The following LTV1 variants were observed in gnomAD, a reference collection of about 807,000 sequenced individuals.
LTV1 encodes protein LTV1 homolog.
Under a neutral mutation model 59.9 loss-of-function variants are expected in LTV1, and 39 were observed. That is an observed-to-expected ratio of 0.65 (90% CI 0.50 to 0.85). The LOEUF is 0.85. Ranked by LOEUF, LTV1 falls within the 40% of genes least tolerant of loss-of-function variation. The probability of loss-of-function intolerance (pLI) is 0.00; values close to 1 mark genes in which losing one functional copy is unlikely to be tolerated. For synonymous variants in LTV1, 171 were observed against 189.5 expected (o/e 0.90, Z 0.80); for missense variants, 493 against 549.1 (o/e 0.90, Z 1.02).
At chr6:143,859,387 T>C (rs1260824077) in intron 6 of LTV1, among the ~76,000 whole-genome samples, 35 of 152,204 alleles carry the variant, frequency 2.3e-4, no homozygotes, top group Admixed American at 2.2e-3. Flanking sequence ...ATGTTATATA[T>C]AGATTTGTCT....
chr6:143,858,053 A>T (rs776034950), intron 6 of LTV1, 46 bp downstream of exon 6: 128 of 1,320,392 alleles, frequency 9.7e-5, no homozygotes, highest in Admixed American at 4.8e-4. Flanking sequence ...CTTATGTTAA[A>T]TTTTTTTTTT....
rs921903383 is a variant in LTV1 at position 143,862,414 on chromosome 6, G to T, written c.1063+171G>T. On this transcript the variant is annotated intron_variant, in intron 8 of 10. Transcript: ENST00000367576. The surrounding 1 kb of genome is among the most constrained non-coding windows in gnomAD (Gnocchi z 4.2). Reference sequence around the variant, plus strand: ...AGCCTGGCCAACATGGTGAAACCCCGTGTCTACTAAAAAATACAAAAATTA... The same window carrying T: ...AGCCTGGCCAACATGGTGAAACCCCTTGTCTACTAAAAAATACAAAAATTA... Among the ~76,000 whole-genome samples, 4 of 151,988 alleles carry T rather than the reference G, an allele frequency of 2.6e-5. No homozygotes were observed. Among genetic ancestry groups the T allele is most frequent in the Admixed American group, 2.6e-4 (4 of 15,248 alleles).
chr6:143,856,483 G>A (rs1378323509), intron 4 of LTV1, among the ~76,000 whole-genome samples: 2 of 152,154 alleles, frequency 1.3e-5, no homozygotes, highest in Non-Finnish European at 2.9e-5. Flanking sequence ...CCTTGCCGGC[G>A]AGGAGTTGTG....
intron 6 of LTV1, 89 bp from the exon 7 acceptor site, chr6:143,860,337 A>C (rs1777141119): frequency 9.1e-7 from 1 of 1,095,158 alleles, no homozygotes; most frequent in African/African-American, 1.6e-5. Context: ...ATTGTGTAAG[A>C]ATAAAGTTAA....
chr6:143,860,418 T>A lies in LTV1; in HGVS notation c.796-8T>A. 6.2e-7 allele frequency: 1 copy of A among 1,612,156 alleles called. No individual in the cohort carries two copies. Among genetic ancestry groups the A allele is most frequent in the Non-Finnish European group, 8.5e-7 (1 of 1,179,162 alleles). On this transcript the variant is annotated splice_region_variant and splice_polypyrimidine_tract_variant and intron_variant, in intron 6 of 10. Coordinates refer to ENST00000367576, the MANE Select transcript of LTV1 (RefSeq NM_032860.5). ...TTTCATGGTATCTTTTCTCTGTTTA[T>A]ATTCAAGTTTTATGAGCAATATGAT...
chr6:143,850,677 C>T (rs1332927054), intron 4 of LTV1, among the ~76,000 whole-genome samples: 1 of 152,166 alleles, frequency 6.6e-6, no homozygotes, highest in Non-Finnish European at 1.5e-5. Flanking sequence ...TATTTCAGAA[C>T]AAACACAAAA....
Position 143,863,360 on chromosome 6 carries a change from A to C in LTV1, c.1318-57A>C. On this transcript the variant is annotated intron_variant, in intron 10 of 10. Transcript: ENST00000367576. This position sits in a 1 kb window ranked among gnomAD's most constrained non-coding sequence, Gnocchi z 4.5. ...GAAATTAGGGGAATTTTGTAAAAGCAGTCTGTATCAGTTTAAAGATGTGAA... is the reference window on the plus strand; with the variant it reads ...GAAATTAGGGGAATTTTGTAAAAGCCGTCTGTATCAGTTTAAAGATGTGAA... 1 of 1,591,000 alleles carries C rather than the reference A, an allele frequency of 6.3e-7. No homozygotes were observed. The highest frequency in any genetic ancestry group is 8.6e-7 in the Non-Finnish European group (1 of 1,161,766).
rs372568405 is a variant in LTV1 at position 143,860,562 on chromosome 6, A to G, written c.923+9A>G. 3 of 1,596,422 alleles carry G rather than the reference A, an allele frequency of 1.9e-6. 1 individual carries two copies. The highest frequency in any genetic ancestry group is 1.8e-5 in the Admixed American group (1 of 56,940). ...AAAGAGAAGGCAGAGAAGTATAGTG[A>G]CTTTTCCTTCCTTGTTTAGCTGTTC... On this transcript the variant is annotated intron_variant, in intron 7 of 10. Transcript: ENST00000367576.
At chr6:143,858,169 C>T (rs1167835403) in intron 6 of LTV1, 162 bp downstream of exon 6, 3 of 678,348 alleles carry the variant, frequency 4.4e-6, no homozygotes, top group African/African-American at 3.6e-5. Flanking sequence ...CAGCATAAAG[C>T]AGAAGGGTAT....
rs766419790 is a variant in LTV1, at chr6:143,862,145, A to G, written c.965A>G (p.Asp322Gly). The change falls in exon 8 of 11, where the codon GAC (aspartate) becomes GGC (glycine). Residue 322 changes from aspartate (D) to glycine (G), a missense_variant. Asp to Gly is a moderately conservative substitution (Grantham distance 94, BLOSUM62 -1). Coordinates refer to ENST00000367576, the MANE Select transcript of LTV1 (RefSeq NM_032860.5). This position sits in a 1 kb window ranked among gnomAD's most constrained non-coding sequence, Gnocchi z 4.2. ...LNTLEPLEDQ[D>G]LPMNELDESE... is the part of the protein sequence containing the mutation. The stretch of plus-strand genomic sequence containing the variant: ...ACCCTTGAACCCTTGGAGGATCAAG[A>G]CCTGCCAATGAATGAGCTTGATGAG... 1.2e-6 allele frequency: 2 copies of G among 1,613,806 alleles called. No individual in the cohort carries two copies. The highest frequency in any genetic ancestry group is 2.7e-5 in the African/African-American group (2 of 75,046).
intron 6 of LTV1, chr6:143,858,469 A>G (rs546017648): frequency 4.9e-5 from 8 of 163,470 alleles, no homozygotes; most frequent in East Asian, 1.7e-4. Flanking sequence ...TTTATTATGT[A>G]TGTCATATAT....
At chr6:143,851,572 T>C (rs1045036520) in intron 4 of LTV1, among the ~76,000 whole-genome samples, 15 of 152,184 alleles carry the variant, frequency 9.9e-5, no homozygotes, top group African/African-American at 3.1e-4. Context: ...CATTTCTTTT[T>C]TCATTTTTTT....
chr6:143,854,205 C>G (rs933712490), intron 4 of LTV1, among the ~76,000 whole-genome samples: 9 of 152,120 alleles, frequency 5.9e-5, no homozygotes, highest in Non-Finnish European at 2.9e-5. Flanking sequence ...GGAATTTATC[C>G]ATTTCTTCTA....
intron 4 of LTV1, among the ~76,000 whole-genome samples, chr6:143,850,959 C>A (rs1397281867): frequency 6.7e-6 from 1 of 148,284 alleles, no homozygotes; most frequent in African/African-American, 2.5e-5. Flanking sequence ...CAGGGTTGGG[C>A]AAGGCTTTCT....
chr6:143,858,099 C>T (rs1210764307), intron 6 of LTV1, 92 bp downstream of exon 6: 7 of 1,159,346 alleles, frequency 6.0e-6, no homozygotes, highest in Non-Finnish European at 7.4e-6. Flanking sequence ...TTGAAGTGCT[C>T]ACCAACCACA....
At chr6:143,850,087 G>A (rs781615532) in intron 3 of LTV1, 44 bp from the exon 4 acceptor site, 1 of 1,515,692 alleles carries the variant, frequency 6.6e-7, no homozygotes, top group African/African-American at 1.4e-5. Flanking sequence ...TAGTTAAGAA[G>A]AATTTCCAAA....
At chr6:143,856,336 A>C (rs975998542) in intron 4 of LTV1, among the ~76,000 whole-genome samples, 1 of 152,132 alleles carries the variant, frequency 6.6e-6, no homozygotes, top group African/African-American at 2.4e-5. Context: ...CAATTCCTCT[A>C]ACCTTTTTTC....
At chr6:143,854,937 A>G (rs1313488989) in intron 4 of LTV1, among the ~76,000 whole-genome samples, 1 of 152,074 alleles carries the variant, frequency 6.6e-6, no homozygotes, top group Non-Finnish European at 1.5e-5. Context: ...TTTGGGGTGG[A>G]GAGTTACGTC....
intron 7 of LTV1, 128 bp from the exon 8 acceptor site, chr6:143,861,976 G>A: frequency 1.2e-6 from 1 of 841,056 alleles, no homozygotes; most frequent in Non-Finnish European, 1.9e-6. Flanking sequence ...TAACGGATGG[G>A]TCACTGGAAT....
Sources: gnomAD v4.1 joint callset for allele counts (sites outside exome capture counted in the v4.1 genomes callset) on GRCh38, gnomAD v4.1.1 for gene constraint, Gnocchi (gnomAD v3.1) non-coding constraint, MANE v1.5 for transcripts, NCBI Gene and HGNC (gene_info 2026-07-23, HGNC 2026-07-21) for gene names.